RBFOX1: variants seen among roughly 807,000 people sequenced by gnomAD.
The protein encoded by RBFOX1 is RNA binding fox-1 homolog 1, also known as RNA binding protein fox-1 homolog 1.
A neutral mutation model predicts 57.7 loss-of-function variants in RBFOX1; 8 were observed. That is an observed-to-expected ratio of 0.14 (90% CI 0.08 to 0.25). RBFOX1 has a LOEUF of 0.25. Among genes scored for constraint, RBFOX1 ranks in the 10% least tolerant of loss-of-function variants. The pLI is 1.00. For missense variants in RBFOX1, 611 were observed against 548.5 expected (o/e 1.11, Z -1.14); for synonymous variants, 326 against 222.4 (o/e 1.47, Z -4.15).
intron 12 of RBFOX1, 94 bp downstream of exon 12, chr16:7,654,041 C>T: frequency 4.6e-6 from 6 of 1,305,562 alleles, no homozygotes; most frequent in South Asian, 1.6e-5. Flanking sequence ...GGTCTTGACT[C>T]CCCCTCCGCC....
chr16:6,911,761 C>G (rs2071670556), intron 3 of RBFOX1, among the ~76,000 whole-genome samples: 1 of 152,156 alleles, frequency 6.6e-6, no homozygotes, highest in African/African-American at 2.4e-5. Flanking sequence ...ATACCTACAG[C>G]AAATAATTTT....
chr16:5,957,018 G>T (rs1377200672), intron 4 of RBFOX1, among the ~76,000 whole-genome samples: 1 of 151,924 alleles, frequency 6.6e-6, no homozygotes, highest in Non-Finnish European at 1.5e-5. Flanking sequence ...TTGGTAGCTT[G>T]AAATCAACAG....
chr16:5,864,149 G>A (rs1257359725), intron 3 of RBFOX1, among the ~76,000 whole-genome samples: 1 of 152,168 alleles, frequency 6.6e-6, no homozygotes, highest in East Asian at 1.9e-4. Context: ...GTGAGGATAT[G>A]CAGTATTTGG....
At chr16:7,163,562 C>G (rs531535566) in intron 4 of RBFOX1, among the ~76,000 whole-genome samples, 1 of 152,274 alleles carries the variant, frequency 6.6e-6, no homozygotes, top group South Asian at 2.1e-4. Flanking sequence ...CACCTAGAAT[C>G]TCAATAAGCT....
intron 3 of RBFOX1, among the ~76,000 whole-genome samples, chr16:5,738,502 T>C (rs1009683996): frequency 6.6e-6 from 1 of 151,644 alleles, no homozygotes; most frequent in African/African-American, 2.4e-5. Context: ...GTCGTGGTGG[T>C]GCACGTCTGT....
Position 7,082,574 on chromosome 16 carries a change from ATAAAAAT to A in RBFOX1, c.27+30483_27+30489del, listed in dbSNP as rs1297805843. On this transcript the variant is annotated intron_variant, in intron 4 of 15. Transcript: ENST00000550418. ...GAGACCATGTCTCAAAAAAAAAAAA[ATAAAAAT>A]TAAAAAAAGAAGGTTTCAGCACTGA... is the stretch of plus-strand genomic sequence containing the variant. Among the ~76,000 whole-genome samples, 11 of 151,736 alleles carry A rather than the reference ATAAAAAT, an allele frequency of 7.2e-5. No homozygotes were observed. In the East Asian group the frequency reaches 2.1e-3, roughly 29 times the overall value.
chr16:6,212,047 G>A (rs2097301947), intron 1 of RBFOX1, among the ~76,000 whole-genome samples: 2 of 151,842 alleles, frequency 1.3e-5, no homozygotes, highest in African/African-American at 4.8e-5. Flanking sequence ...TAGTAGAGAT[G>A]GAGTTTTGCC....
chr16:5,345,110 C>T (rs2065112799), intron 1 of RBFOX1, among the ~76,000 whole-genome samples: 2 of 152,166 alleles, frequency 1.3e-5, no homozygotes, highest in East Asian at 1.9e-4. Flanking sequence ...CATCGTTGTT[C>T]ATCCCCAGGG....
intron 2 of RBFOX1, among the ~76,000 whole-genome samples, chr16:6,379,646 G>A (rs1250175285): frequency 6.6e-5 from 10 of 150,410 alleles, no homozygotes; most frequent in Non-Finnish European, 2.9e-5. Context: ...GTGAAGTCAT[G>A]CAAGTGTCAA....
intron 14 of RBFOX1, among the ~76,000 whole-genome samples, chr16:7,700,655 C>G (rs1448292804): frequency 6.6e-6 from 1 of 152,140 alleles, no homozygotes; most frequent in Non-Finnish European, 1.5e-5. Context: ...TGGCCTTGAG[C>G]TCTGCATTAA....
intron 4 of RBFOX1, among the ~76,000 whole-genome samples, chr16:7,279,178 C>G (rs2095496709): frequency 1.3e-5 from 2 of 150,236 alleles, no homozygotes; most frequent in African/African-American, 4.9e-5. Context: ...GGACCCCATG[C>G]TGAGTGCCTA....
intron 4 of RBFOX1, among the ~76,000 whole-genome samples, chr16:7,409,016 T>C (rs1406893205): frequency 6.6e-6 from 1 of 152,198 alleles, no homozygotes; most frequent in East Asian, 1.9e-4. Flanking sequence ...TACTTTCTCC[T>C]GGGCTGGGCT....
At chr16:6,748,415 C>T (rs1275393481) in intron 3 of RBFOX1, among the ~76,000 whole-genome samples, 1 of 152,126 alleles carries the variant, frequency 6.6e-6, no homozygotes, top group South Asian at 2.1e-4. Flanking sequence ...AATCCCAACA[C>T]TTTGGAAGGC....
At chr16:5,812,693 C>G (rs936362782) in intron 3 of RBFOX1, among the ~76,000 whole-genome samples, 2 of 152,102 alleles carry the variant, frequency 1.3e-5, no homozygotes, top group African/African-American at 4.8e-5. Context: ...AACTCCTGGC[C>G]TCAAGCAGTC....
At chr16:6,862,879 G>T (rs1211782527) in intron 3 of RBFOX1, among the ~76,000 whole-genome samples, 1 of 147,256 alleles carries the variant, frequency 6.8e-6, no homozygotes, top group African/African-American at 2.5e-5. Context: ...CAGCTACTCA[G>T]GAGGTTGAGG....
intron 2 of RBFOX1, among the ~76,000 whole-genome samples, chr16:6,491,335 C>A (rs371577325): frequency 1.3e-5 from 2 of 151,952 alleles, no homozygotes; most frequent in Non-Finnish European, 2.9e-5. Context: ...AGGTGAGCCT[C>A]CTTTTAGAAA....
chr16:7,390,212 G>T (rs867171066), intron 4 of RBFOX1, among the ~76,000 whole-genome samples: 1 of 152,114 alleles, frequency 6.6e-6, no homozygotes, highest in African/African-American at 2.4e-5. Context: ...TCTCGCACCA[G>T]ACCCCTCCTC....
At chr16:7,219,907 A>G (rs1463021280) in intron 4 of RBFOX1, among the ~76,000 whole-genome samples, 1 of 152,242 alleles carries the variant, frequency 6.6e-6, no homozygotes, top group African/African-American at 2.4e-5. Context: ...GTTGGATCAA[A>G]AAATAGAATG....
chr16:6,990,783 C>T (rs189550503), intron 3 of RBFOX1, among the ~76,000 whole-genome samples: 1 of 152,184 alleles, frequency 6.6e-6, no homozygotes, highest in East Asian at 1.9e-4. Flanking sequence ...AGTTCGAGCC[C>T]AAACTGCTTG....
Sources: gnomAD v4.1 joint callset for allele counts (sites outside exome capture counted in the v4.1 genomes callset) on GRCh38, gnomAD v4.1.1 for gene constraint, MANE v1.5 for transcripts, NCBI Gene and HGNC (gene_info 2026-07-23, HGNC 2026-07-21) for gene names.